The following SUSD4 variants were observed in gnomAD, a reference collection of about 807,000 sequenced individuals.
SUSD4 encodes sushi domain containing 4, also known as sushi domain-containing protein 4.
SUSD4 carries 41 observed loss-of-function variants against 50.5 expected under a neutral mutation model. The observed-to-expected ratio is 0.81, with a 90% CI of 0.63 to 1.05. The LOEUF is 1.05. Ranked by LOEUF, SUSD4 falls within the 50% of genes least tolerant of loss-of-function variation. The pLI is 0.00. For missense variants in SUSD4, 580 were observed against 634.7 expected (o/e 0.91, Z 0.93); for synonymous variants, 257 against 257.3 (o/e 1.00, Z 0.01).
intron 2 of SUSD4, among the ~76,000 whole-genome samples, chr1:223,345,467 A>T (rs75596287): frequency 0.04 from 6,029 of 152,102 alleles, 187 homozygotes; most frequent in Non-Finnish European, 0.061. Flanking sequence ...GCGCTTATTA[A>T]GAGATGGAGC....
chr1:223,237,705 C>T (rs1001706412), intron 5 of SUSD4, among the ~76,000 whole-genome samples: 1 of 151,880 alleles, frequency 6.6e-6, no homozygotes, highest in Non-Finnish European at 1.5e-5. Context: ...TCCACTTGGT[C>T]ATGGTGTATA....
intron 3 of SUSD4, among the ~76,000 whole-genome samples, chr1:223,275,847 C>T (rs143844095): frequency 1.1e-4 from 16 of 152,174 alleles, no homozygotes; most frequent in Non-Finnish European, 2.4e-4. Flanking sequence ...ATTTAACAAG[C>T]GCTGGCCCAT....
At chr1:223,251,027 AC>A (rs1661267085) in intron 5 of SUSD4, among the ~76,000 whole-genome samples, 1 of 152,190 alleles carries the variant, frequency 6.6e-6, no homozygotes, top group Admixed American at 6.5e-5. Flanking sequence ...AAATCCTGGT[AC>A]CTGTGAATGT....
chr1:223,264,568 C>G, intron 5 of SUSD4, 62 bp downstream of exon 5: 1 of 1,592,380 alleles, frequency 6.3e-7, no homozygotes, highest in South Asian at 1.1e-5. Flanking sequence ...CTTCCTCCTA[C>G]TGATCTTCTT....
chr1:223,249,733 G>A (rs1661177800), intron 5 of SUSD4, among the ~76,000 whole-genome samples: 1 of 152,180 alleles, frequency 6.6e-6, no homozygotes, highest in South Asian at 2.1e-4. Context: ...AAGTTTACAT[G>A]ATAGAATTTT....
intron 3 of SUSD4, among the ~76,000 whole-genome samples, chr1:223,287,041 C>T (rs74437830): frequency 0.016 from 2,434 of 152,296 alleles, 27 homozygotes; most frequent in Non-Finnish European, 0.025. Flanking sequence ...GGAAAACCAT[C>T]CTAGGGATGG....
chr1:223,344,090 C>T (rs993581438), intron 2 of SUSD4, among the ~76,000 whole-genome samples: 1 of 152,180 alleles, frequency 6.6e-6, no homozygotes, highest in African/African-American at 2.4e-5. Context: ...GAATGTGAGT[C>T]ATAATTTTTC....
At chr1:223,337,802 G>C (rs1278367207) in intron 2 of SUSD4, among the ~76,000 whole-genome samples, 1 of 152,162 alleles carries the variant, frequency 6.6e-6, no homozygotes, top group Non-Finnish European at 1.5e-5. Flanking sequence ...TATAAACAGA[G>C]GCAAAAACAA....
intron 2 of SUSD4, among the ~76,000 whole-genome samples, chr1:223,333,824 T>C (rs1667310241): frequency 6.6e-6 from 1 of 151,970 alleles, no homozygotes. Context: ...ACCACCTCCT[T>C]CCCCACCACA....
chr1:223,240,750 A>T (rs985451692), intron 5 of SUSD4, among the ~76,000 whole-genome samples: 1 of 152,134 alleles, frequency 6.6e-6, no homozygotes, highest in Non-Finnish European at 1.5e-5. Context: ...GTTGTTTTAA[A>T]TCCACCGTTT....
At chr1:223,349,570 A>G (rs1331163664) in intron 2 of SUSD4, among the ~76,000 whole-genome samples, 2 of 152,184 alleles carry the variant, frequency 1.3e-5, no homozygotes, top group Admixed American at 1.3e-4. Context: ...AGACTTAGGA[A>G]ATGTTTGATG....
chr1:223,233,115 A>G (rs1660000415), intron 5 of SUSD4, among the ~76,000 whole-genome samples: 1 of 152,210 alleles, frequency 6.6e-6, no homozygotes, highest in Non-Finnish European at 1.5e-5. Context: ...ATGTGAACAC[A>G]TCTCATCACC....
At chr1:223,226,352 T>G (rs1172987510) in intron 7 of SUSD4, among the ~76,000 whole-genome samples, 1 of 152,162 alleles carries the variant, frequency 6.6e-6, no homozygotes, top group African/African-American at 2.4e-5. Flanking sequence ...CCTCTGGGCC[T>G]GGGGAGGGAT....
chr1:223,231,695 T>G lies in SUSD4; in HGVS notation c.725-2307A>C, dbSNP rs1269120550. Among the ~76,000 whole-genome samples, 7 of 152,190 alleles carry G rather than the reference T, an allele frequency of 4.6e-5. No individual in the cohort carries two copies. The highest frequency in any genetic ancestry group is 4.6e-4 in the Admixed American group (7 of 15,276). ...GAACTGGTCCTGGGAGATCCAGGGA[T>G]GTGGCCGTAAGGGCTCTTCTCTCCT... On this transcript the variant is annotated intron_variant, in intron 5 of 8. Transcript: ENST00000366878. This position sits in a 1 kb window ranked among gnomAD's most constrained non-coding sequence, Gnocchi z 4.2.
At chr1:223,297,120 G>C (rs1381321692) in intron 2 of SUSD4, among the ~76,000 whole-genome samples, 1 of 152,220 alleles carries the variant, frequency 6.6e-6, no homozygotes, top group Non-Finnish European at 1.5e-5. Context: ...AGATCTGAAA[G>C]CATCCACTAA....
At chr1:223,240,570 G>A (rs1245521299) in intron 5 of SUSD4, among the ~76,000 whole-genome samples, 2 of 152,032 alleles carry the variant, frequency 1.3e-5, no homozygotes, top group African/African-American at 4.8e-5. Context: ...GCCATGTCCA[G>A]TCTACTAATA....
At chr1:223,361,090 C>T (rs534386234) in intron 2 of SUSD4, among the ~76,000 whole-genome samples, 2 of 152,180 alleles carry the variant, frequency 1.3e-5, no homozygotes, top group East Asian at 3.8e-4. Context: ...CAGCATCCAC[C>T]TTTTAACAAG....
At chr1:223,316,758 G>A (rs1040884605) in intron 2 of SUSD4, among the ~76,000 whole-genome samples, 2 of 152,094 alleles carry the variant, frequency 1.3e-5, no homozygotes, top group African/African-American at 2.4e-5. Context: ...TTTGCCCAAG[G>A]TCCCCAAGTT....
rs780650024 is a variant in SUSD4 at position 223,283,784 on chromosome 1, A to G, written c.361+8655T>C. ...CTGCTATAAAGGCACATGCACAGGTATGTTTATTGCAGCACTATTCACAAT... is the reference window on the plus strand; with the variant it reads ...CTGCTATAAAGGCACATGCACAGGTGTGTTTATTGCAGCACTATTCACAAT... On this transcript the variant is annotated intron_variant, in intron 3 of 8. Transcript: ENST00000366878. 1.0e-3 allele frequency among the ~76,000 whole-genome samples: 155 copies of G among 152,096 alleles called. 2 individuals are homozygous for G. The highest frequency in any genetic ancestry group is 1.7e-3 in the Non-Finnish European group (117 of 68,010).
Sources: gnomAD v4.1 joint callset for allele counts (sites outside exome capture counted in the v4.1 genomes callset) on GRCh38, gnomAD v4.1.1 for gene constraint, Gnocchi (gnomAD v3.1) non-coding constraint, MANE v1.5 for transcripts, NCBI Gene and HGNC (gene_info 2026-07-23, HGNC 2026-07-21) for gene names.